Variants in ATG7 observed in about 807,000 individuals in gnomAD.
The protein encoded by ATG7 is autophagy related 7.
In ATG7, 70 loss-of-function variants were observed where a neutral mutation model predicts 82.4. The ratio of observed to expected loss-of-function variants is 0.85; its 90% confidence interval spans 0.70 to 1.04. The LOEUF (loss-of-function observed/expected upper bound fraction) is 1.04, where lower values mean the gene tolerates loss of function less well. Among genes scored for constraint, ATG7 ranks in the 50% least tolerant of loss-of-function variants. The pLI, the probability that ATG7 is intolerant of heterozygous loss-of-function variation, is 0.00. For missense variants in ATG7, 792 were observed against 864.3 expected (o/e 0.92, Z 1.05); for synonymous variants, 287 against 313.0 (o/e 0.92, Z 0.88).
chr3:11,401,115 A>T (rs1000423468), intron 19 of ATG7, among the ~76,000 whole-genome samples: 13 of 152,196 alleles, frequency 8.5e-5, no homozygotes, highest in Non-Finnish European at 1.0e-4. Context: ...CTTGCTAGAA[A>T]TAAAAACTCT....
intron 11 of ATG7, among the ~76,000 whole-genome samples, chr3:11,339,098 C>T (rs1953035338): frequency 6.6e-6 from 1 of 151,964 alleles, no homozygotes; most frequent in Admixed American, 6.6e-5. Context: ...AGATCAAGAC[C>T]ATCCTGGCTA....
intron 18 of ATG7, among the ~76,000 whole-genome samples, chr3:11,377,777 T>C (rs1177852468): frequency 6.6e-6 from 1 of 152,160 alleles, no homozygotes; most frequent in African/African-American, 2.4e-5. Context: ...TCACTGTGAG[T>C]ATTCTCAAGC....
chr3:11,513,102 C>T lies in ATG7; in HGVS notation c.2080-41709C>T, dbSNP rs539428454. On this transcript the variant is annotated intron_variant, in intron 20 of 20. Coordinates refer to ENST00000693202, the MANE Select transcript of ATG7 (RefSeq NM_001349232.2). ...AAACCTTGAGCTAGATACAGAGTGC[C>T]GATTGGTGTATTTACAATCCCCTAG... Among the ~76,000 whole-genome samples, 28 of 152,306 alleles carry T rather than the reference C, an allele frequency of 1.8e-4. No homozygotes were observed. The South Asian group carries it at 5.4e-3, about 29-fold the overall frequency.
chr3:11,454,220 G>T (rs2085476428), intron 20 of ATG7, among the ~76,000 whole-genome samples: 1 of 152,078 alleles, frequency 6.6e-6, no homozygotes, highest in Admixed American at 6.6e-5. Context: ...GAAGCCCAGG[G>T]TCTCACTCTC....
At chr3:11,294,002 A>T (rs1364797713) in intron 3 of ATG7, among the ~76,000 whole-genome samples, 1 of 145,192 alleles carries the variant, frequency 6.9e-6, no homozygotes, top group African/African-American at 2.5e-5. Context: ...TGGGCGACAG[A>T]GCAGGACTCC....
At chr3:11,573,323 GAAAGAAAGAAAGA>G in the ATG7 span, among the ~76,000 whole-genome samples, 198 of 34,444 alleles carry the variant, frequency 5.7e-3, 4 homozygotes, top group Non-Finnish European at 9.3e-3. Flanking sequence ...AAGGAAGAAA[GAAAGAAAGAAAGA>G]AAGAAAGAAA....
rs2084741900 is a variant in ATG7, at chr3:11,447,973, T to C, written c.2079+21047T>C. ...TAAGTTCAGTCTCCTCTTAGTTCTA[T>C]TCCTGTGTCTGTTCCTGTCCCTTCC... is the stretch of plus-strand genomic sequence containing the variant. On this transcript the variant is annotated intron_variant, in intron 20 of 20. Transcript: ENST00000693202. Among the ~76,000 whole-genome samples the C allele has an allele frequency of 2.0e-5, 3 of 152,202 alleles. No homozygotes were observed. The South Asian group carries it at 6.2e-4, about 32-fold the overall frequency.
At chr3:11,566,061 C>T in the ATG7 span, among the ~76,000 whole-genome samples, 1 of 152,188 alleles carries the variant, frequency 6.6e-6, no homozygotes. Flanking sequence ...TACAAGTAGT[C>T]ACCTGTCTTA....
At chr3:11,466,264 A>G (rs2086816182) in intron 20 of ATG7, among the ~76,000 whole-genome samples, 1 of 152,222 alleles carries the variant, frequency 6.6e-6, no homozygotes, top group South Asian at 2.1e-4. Context: ...TGCTTTTTGA[A>G]TTCTGAATGA....
At chr3:11,401,775 A>G (rs1043852573) in intron 19 of ATG7, among the ~76,000 whole-genome samples, 1 of 152,182 alleles carries the variant, frequency 6.6e-6, no homozygotes, top group Non-Finnish European at 1.5e-5. Context: ...CTCCAGGCCT[A>G]CAGACTATAA....
Position 11,272,415 on chromosome 3 carries a change from CG to C in ATG7, c.-379del, listed in dbSNP as rs1328739027. Reference sequence around the variant, plus strand: ...GCGCCTCAGAGAGAGCTGTGGTTGCCGGAAGTTGAGCGGCGGTAAGTGAGCC... The same window carrying C: ...GCGCCTCAGAGAGAGCTGTGGTTGCCGAAGTTGAGCGGCGGTAAGTGAGCC... On this transcript the variant is annotated 5_prime_UTR_variant, in exon 1 of 21. Transcript: ENST00000693202. 1 of 152,480 alleles carries C rather than the reference CG, an allele frequency of 6.6e-6. No homozygotes were observed. Among genetic ancestry groups the C allele is most frequent in the Non-Finnish European group, 1.5e-5 (1 of 68,134 alleles). The allele number at this position is 152,480 out of a possible 1,614,324, so 9.4% of individuals were successfully genotyped here. A position where few individuals can be genotyped will look rare whatever the true frequency, so the allele number is the denominator to read the frequency against.
At position 11,457,166 on chromosome 3, in the gene ATG7, G is replaced by A. The variant is rs78122142; in HGVS notation, c.2079+30240G>A. Among the ~76,000 whole-genome samples the A allele has an allele frequency of 2.8e-3, 424 of 152,266 alleles. 4 individuals are homozygous for A. The highest frequency in any genetic ancestry group is 5.5e-3 in the Admixed American group (84 of 15,304). On this transcript the variant is annotated intron_variant, in intron 20 of 20. Transcript: ENST00000693202. ...AAGAAAACAGCTTACCCAAATGAGC[G>A]GAAAGATGCCAGGTTTATAAAATGG... is the stretch of plus-strand genomic sequence containing the variant.
chr3:11,562,354 T>C (rs1284073583), downstream of ATG7, among the ~76,000 whole-genome samples: 1 of 152,164 alleles, frequency 6.6e-6, no homozygotes, highest in Non-Finnish European at 1.5e-5. Flanking sequence ...GGAACTTTCC[T>C]GTCCCAGTTC....
At chr3:11,559,310 TGAG>T (rs1288189418), downstream of ATG7, 4 of 1,517,528 alleles carry the variant, frequency 2.6e-6, no homozygotes, top group South Asian at 3.8e-5. Context: ...CTGTGACAGG[TGAG>T]GAGGCCCGGG....
intron 15 of ATG7, 109 bp from the exon 16 acceptor site, chr3:11,360,472 A>C (rs184082899): frequency 3.9e-5 from 43 of 1,095,752 alleles, no homozygotes; most frequent in Non-Finnish European, 6.6e-6. Flanking sequence ...ATCTAATTAC[A>C]CTTACATGCA....
At chr3:11,324,926 G>A (rs1431756140) in intron 9 of ATG7, among the ~76,000 whole-genome samples, 1 of 152,158 alleles carries the variant, frequency 6.6e-6, no homozygotes, top group Non-Finnish European at 1.5e-5. Context: ...GCCACATGAT[G>A]TTTCAGTCAA....
chr3:11,275,058 T>C (rs963614422), intron 1 of ATG7, among the ~76,000 whole-genome samples: 1 of 151,828 alleles, frequency 6.6e-6, no homozygotes, highest in African/African-American at 2.4e-5. Context: ...ATGAAGGCAG[T>C]GACAGTGGAG....
At chr3:11,299,669 C>T (rs1005272339) in intron 5 of ATG7, among the ~76,000 whole-genome samples, 1 of 152,144 alleles carries the variant, frequency 6.6e-6, no homozygotes, top group African/African-American at 2.4e-5. Flanking sequence ...TTGATTGAGA[C>T]ATAGATAATA....
chr3:11,477,284 T>C (rs1331262401), intron 20 of ATG7: 29 of 1,209,686 alleles, frequency 2.4e-5, no homozygotes, highest in Non-Finnish European at 3.0e-5. Context: ...TGAACAATGA[T>C]GATAAAATAA....
Sources: allele counts gnomAD v4.1 joint callset (sites outside exome capture counted in the v4.1 genomes callset), GRCh38; gene constraint gnomAD v4.1.1; transcripts MANE v1.5; gene names NCBI Gene and HGNC (gene_info 2026-07-23, HGNC 2026-07-21).